ODR4: variants seen among roughly 807,000 people sequenced by gnomAD.
ODR4 encodes protein odr-4 homolog.
Under a neutral mutation model 60.2 loss-of-function variants are expected in ODR4, and 47 were observed. The ratio of observed to expected loss-of-function variants is 0.78; its 90% CI spans 0.62 to 1.00. The LOEUF (loss-of-function observed/expected upper bound fraction) is 1.00. ODR4 is among the 50% of genes least tolerant of loss of function. ODR4 has a pLI of 0.00. For synonymous variants in ODR4, 178 were observed against 175.5 expected (o/e 1.01, Z -0.11); for missense variants, 488 against 530.8 (o/e 0.92, Z 0.79).
At chr1:186,379,973 C>T in intron 2 of ODR4, 89 bp downstream of exon 2, 1 of 744,288 alleles carries the variant, frequency 1.3e-6, no homozygotes, top group Non-Finnish European at 2.0e-6. Flanking sequence ...TTAAAAGATG[C>T]TATTTAATAA....
intron 11 of ODR4, among the ~76,000 whole-genome samples, chr1:186,402,214 C>CTTTCTTTCTTTCTTTCTT (rs1558085072): frequency 4.0e-5 from 6 of 148,530 alleles, no homozygotes; most frequent in African/African-American, 1.5e-4. Flanking sequence ...TTCTTTCTTT[C>CTTTCTTTCTTTCTTTCTT]TTTCTTTCTT....
At position 186,379,727 on chromosome 1, in the gene ODR4, A is replaced by G. The variant is rs1468027441; in HGVS notation, c.-19-40A>G. Reference sequence around the variant, plus strand: ...CCATGATAAAGACATTGCAAATGATATTTTACCTAAATGCTGTATCTTTTC... The same window carrying G: ...CCATGATAAAGACATTGCAAATGATGTTTTACCTAAATGCTGTATCTTTTC... On this transcript the variant is annotated intron_variant, in intron 1 of 13. Transcript: ENST00000287859. 5 of 1,085,434 alleles carry G rather than the reference A, an allele frequency of 4.6e-6. No homozygotes were observed. The East Asian group carries it at 1.0e-4, about 22-fold the overall frequency. The allele number at this position is 1,085,434 out of a possible 1,614,324, so 67.2% of individuals were successfully genotyped here. A position where few individuals can be genotyped will look rare whatever the true frequency, so the allele number is the denominator to read the frequency against.
At chr1:186,421,788 A>G (rs2976253), downstream of ODR4, among the ~76,000 whole-genome samples, 106,904 of 150,232 alleles carry the variant, frequency 0.71, 38,455 homozygotes, top group Non-Finnish European at 0.77. Context: ...CACTTGAACC[A>G]GGGAGGCGAA....
rs185502879 is a variant in ODR4, at chr1:186,384,693, C to G, written c.235-1295C>G. On this transcript the variant is annotated intron_variant, in intron 3 of 13. Coordinates refer to ENST00000287859, the MANE Select transcript of ODR4 (RefSeq NM_017847.6). ...ATTTTACTTTTTCCCCTTTCTTGCT[C>G]TCACCTCCATCTCCTAAAAAATGGT... is the stretch of plus-strand genomic sequence containing the variant. 1.2e-3 allele frequency among the ~76,000 whole-genome samples: 183 copies of G among 152,184 alleles called. 1 individual carries two copies. The highest frequency in any genetic ancestry group is 4.2e-3 in the African/African-American group (174 of 41,496).
chr1:186,383,259 G>A (rs1243897489), intron 3 of ODR4, 103 bp downstream of exon 3: 1 of 1,282,444 alleles, frequency 7.8e-7, no homozygotes, highest in Non-Finnish European at 1.1e-6. Flanking sequence ...TAGGGAGAAA[G>A]TAGCTAAAGA....
chr1:186,410,567 G>A, intron 12 of ODR4, among the ~76,000 whole-genome samples: 1 of 152,150 alleles, frequency 6.6e-6, no homozygotes, highest in Non-Finnish European at 1.5e-5. Context: ...ATGTAGTAAG[G>A]TCCTAAGAGT....
At chr1:186,385,320 A>G (rs1395184653) in intron 3 of ODR4, among the ~76,000 whole-genome samples, 3 of 147,536 alleles carry the variant, frequency 2.0e-5, no homozygotes, top group African/African-American at 7.6e-5. Flanking sequence ...GCTGCTAAAA[A>G]TAGGGATACA....
chr1:186,382,441 T>TAC (rs796113394), intron 2 of ODR4, among the ~76,000 whole-genome samples: 4 of 150,938 alleles, frequency 2.7e-5, no homozygotes, highest in African/African-American at 4.9e-5. Context: ...AATAAATAAA[T>TAC]ACACACACAC....
rs1553233433 is a variant in ODR4 at position 186,375,993 on chromosome 1, A to ATTGTGTGT, written c.-20+19_-20+20insTTGTGTGT. The ATTGTGTGT allele has an allele frequency of 6.3e-6, 1 of 158,326 alleles. No individual in the cohort carries two copies. The highest frequency in any genetic ancestry group is 6.3e-5 in the Admixed American group (1 of 15,922). 9.8% of individuals were successfully genotyped at this position (158,326 alleles called of 1,614,324 possible). On this transcript the variant is annotated intron_variant, in intron 1 of 13. Transcript: ENST00000287859. ...AAAACAGGTAAGTCAGCCTAAGTGT[A>ATTGTGTGT]GTGTGTGTGTGTGTGTGTGTGTGTG... is the stretch of plus-strand genomic sequence containing the variant.
chr1:186,392,813 G>A (rs1006104858), intron 8 of ODR4, among the ~76,000 whole-genome samples: 2 of 152,264 alleles, frequency 1.3e-5, no homozygotes, highest in South Asian at 2.1e-4. Flanking sequence ...GACCAGCCTG[G>A]TCAGCATGGT....
Position 186,383,146 on chromosome 1 carries a change from A to G in ODR4, c.224A>G (p.His75Arg). Residue 75 changes from histidine to arginine, a missense_variant, in exon 3 of 14, where the codon CAT (histidine) becomes CGT (arginine). His to Arg is a conservative substitution (Grantham distance 29). Transcript: ENST00000287859. ...TTGGATGAAGAATGGGCCACAGAAC[A>G]TGCCTGCCAGGTTATCTTATTTTTT... is the stretch of plus-strand genomic sequence containing the variant. Reference protein sequence around the residue: ...DNLDEEWATEHACQVSRMLPG... With the variant: ...DNLDEEWATERACQVSRMLPG... The G allele has an allele frequency of 2.6e-6, 4 of 1,548,048 alleles. No homozygotes were observed. The highest frequency in any genetic ancestry group is 3.5e-6 in the Non-Finnish European group (4 of 1,146,450).
chr1:186,411,301 A>G (rs1661375178), intron 12 of ODR4, among the ~76,000 whole-genome samples: 1 of 152,262 alleles, frequency 6.6e-6, no homozygotes, highest in African/African-American at 2.4e-5. Flanking sequence ...CTCAACCTGT[A>G]CTACTTCTAT....
intron 9 of ODR4, among the ~76,000 whole-genome samples, chr1:186,394,357 C>T (rs1423630765): frequency 1.3e-5 from 2 of 152,008 alleles, no homozygotes; most frequent in African/African-American, 4.8e-5. Context: ...GATGTGTACA[C>T]AGAGGTGCAA....
chr1:186,423,269 A>G (rs557303545), downstream of ODR4, among the ~76,000 whole-genome samples: 1 of 152,224 alleles, frequency 6.6e-6, no homozygotes, highest in South Asian at 2.1e-4. Context: ...ACTTACTGAT[A>G]TTAAATCAGA....
intron 12 of ODR4, among the ~76,000 whole-genome samples, chr1:186,412,227 T>G (rs2102085248): frequency 6.6e-6 from 1 of 152,292 alleles, no homozygotes; most frequent in African/African-American, 2.4e-5. Context: ...GATCCCTGGT[T>G]TTATTATTAA....
intron 5 of ODR4, among the ~76,000 whole-genome samples, chr1:186,389,109 A>G (rs989807444): frequency 2.6e-5 from 4 of 152,116 alleles, no homozygotes; most frequent in Non-Finnish European, 5.9e-5. Flanking sequence ...TTCCAAAGAC[A>G]GAATTTTAAA....
chr1:186,380,847 T>A (rs539827210), intron 2 of ODR4, among the ~76,000 whole-genome samples: 2 of 152,376 alleles, frequency 1.3e-5, no homozygotes, highest in East Asian at 3.9e-4. Context: ...GAATACACTG[T>A]CCAGAGGACT....
intron 1 of ODR4, among the ~76,000 whole-genome samples, chr1:186,378,021 G>A (rs1242239242): frequency 1.3e-5 from 2 of 150,672 alleles, no homozygotes; most frequent in African/African-American, 2.4e-5. Flanking sequence ...CTCCAGCCTG[G>A]GCAACAGAGC....
intron 3 of ODR4, among the ~76,000 whole-genome samples, chr1:186,383,678 G>GATATATATATAT (rs60229243): frequency 5.1e-4 from 72 of 140,762 alleles, no homozygotes; most frequent in South Asian, 1.4e-3. Context: ...TGTGTATGTA[G>GATATATATATAT]ATATATATAT....
Sources: gnomAD v4.1 joint callset for allele counts (sites outside exome capture counted in the v4.1 genomes callset) on GRCh38, gnomAD v4.1.1 for gene constraint, MANE v1.5 for transcripts, NCBI Gene and HGNC (gene_info 2026-07-23, HGNC 2026-07-21) for gene names.